FAF1: variants seen among roughly 807,000 people sequenced by gnomAD.
FAF1 encodes FAS-associated factor 1.
Under a neutral mutation model 92.5 loss-of-function variants are expected in FAF1, and 25 were observed. That is an observed-to-expected ratio of 0.27 (90% confidence interval 0.20 to 0.38). The LOEUF is 0.38. Ranked by LOEUF, FAF1 falls within the 10% of genes least tolerant of loss-of-function variation. The probability of loss-of-function intolerance (pLI) is 1.00; values close to 1 mark genes in which losing one functional copy is unlikely to be tolerated. For synonymous variants in FAF1, 234 were observed against 273.2 expected (o/e 0.86, Z 1.42); for missense variants, 636 against 793.3 (o/e 0.80, Z 2.38).
chr1:50,712,286 A>C (rs934329132), intron 6 of FAF1, among the ~76,000 whole-genome samples: 1 of 152,228 alleles, frequency 6.6e-6, no homozygotes, highest in Non-Finnish European at 1.5e-5. Context: ...TTTCCACAGA[A>C]ACTGGCATGT....
chr1:50,878,915 G>C (rs1644590531), intron 1 of FAF1, among the ~76,000 whole-genome samples: 1 of 152,158 alleles, frequency 6.6e-6, no homozygotes, highest in Non-Finnish European at 1.5e-5. Flanking sequence ...CCACAGCTCT[G>C]TCTCTCTTGT....
intron 4 of FAF1, among the ~76,000 whole-genome samples, chr1:50,761,594 A>T (rs528996315): frequency 6.6e-6 from 1 of 152,348 alleles, no homozygotes; most frequent in East Asian, 1.9e-4. Flanking sequence ...AAACCACATG[A>T]TTATCTCAGT....
At chr1:50,731,647 C>T (rs1323813308) in intron 6 of FAF1, among the ~76,000 whole-genome samples, 1 of 152,086 alleles carries the variant, frequency 6.6e-6, no homozygotes, top group East Asian at 1.9e-4. Context: ...GGATTACAGG[C>T]ATGAGCCACC....
intron 4 of FAF1, among the ~76,000 whole-genome samples, chr1:50,784,506 A>G (rs994525236): frequency 5.3e-5 from 8 of 152,226 alleles, no homozygotes; most frequent in African/African-American, 1.9e-4. Flanking sequence ...AGACTTGTCC[A>G]CTAAAAACTA....
intron 7 of FAF1, among the ~76,000 whole-genome samples, chr1:50,676,654 T>C (rs1342997176): frequency 6.6e-6 from 1 of 151,798 alleles, no homozygotes; most frequent in Non-Finnish European, 1.5e-5. Flanking sequence ...AAACCCTGTC[T>C]CTACTAAAAA....
chr1:50,727,697 G>A (rs1658721256), intron 6 of FAF1, among the ~76,000 whole-genome samples: 1 of 152,192 alleles, frequency 6.6e-6, no homozygotes, highest in African/African-American at 2.4e-5. Context: ...TGTTGCCAAA[G>A]GAGATTAACA....
intron 1 of FAF1, among the ~76,000 whole-genome samples, chr1:50,885,293 CTT>C (rs1644649637): frequency 7.8e-6 from 1 of 128,722 alleles, no homozygotes; most frequent in Non-Finnish European, 1.6e-5. Flanking sequence ...CTCCGTGTCT[CTT>C]TCTCTCTCTC....
chr1:50,788,393 T>C (rs1470521227), intron 3 of FAF1, among the ~76,000 whole-genome samples, 188 bp from the exon 4 acceptor site: 2 of 152,218 alleles, frequency 1.3e-5, no homozygotes. Flanking sequence ...GCCACATTAC[T>C]CTCCTTCCCA....
In FAF1 at chr1:50,624,720, C is replaced by G. The variant is rs569437191; in HGVS notation, c.745-28504G>C. Among the ~76,000 whole-genome samples, 6 of 152,244 alleles carry G rather than the reference C, an allele frequency of 3.9e-5. No individual in the cohort carries two copies. In the East Asian group the frequency reaches 1.2e-3, roughly 29 times the overall value. On this transcript the variant is annotated intron_variant, in intron 8 of 18. Coordinates refer to ENST00000396153, the MANE Select transcript of FAF1 (RefSeq NM_007051.3). ...TATCCTATGCACTAAATAAGAACAG[C>G]ATTACCATATCTCTAACTTTTCACA...
chr1:50,487,969 T>C (rs1646786834), intron 17 of FAF1, among the ~76,000 whole-genome samples: 1 of 152,176 alleles, frequency 6.6e-6, no homozygotes, highest in Non-Finnish European at 1.5e-5. Flanking sequence ...TCCCAAACAG[T>C]GGTTTGTGAT....
chr1:50,562,391 T>G (rs1649962458), intron 13 of FAF1, among the ~76,000 whole-genome samples: 1 of 152,194 alleles, frequency 6.6e-6, no homozygotes, highest in Non-Finnish European at 1.5e-5. Context: ...CTCCCTCTAT[T>G]CCTTCTCTCC....
At chr1:50,546,764 T>C in intron 13 of FAF1, among the ~76,000 whole-genome samples, 1 of 152,160 alleles carries the variant, frequency 6.6e-6, no homozygotes, top group East Asian at 1.9e-4. Flanking sequence ...AGACTTTTTA[T>C]TACATACCTT....
chr1:50,831,998 T>C (rs1369109417), intron 2 of FAF1, among the ~76,000 whole-genome samples: 1 of 151,844 alleles, frequency 6.6e-6, no homozygotes, highest in African/African-American at 2.4e-5. Flanking sequence ...GTGTGCTCCT[T>C]ATGAGAATCT....
chr1:50,537,943 C>A (rs1345286164), intron 14 of FAF1, among the ~76,000 whole-genome samples: 1 of 152,050 alleles, frequency 6.6e-6, no homozygotes, highest in Non-Finnish European at 1.5e-5. Context: ...GAATTTGAAA[C>A]CGTATCAATG....
At position 50,565,628 on chromosome 1, in the gene FAF1, C is replaced by A. The variant is rs1168619638; in HGVS notation, c.1268+1449G>T. Among the ~76,000 whole-genome samples, 4 of 152,054 alleles carry A rather than the reference C, an allele frequency of 2.6e-5. No individual in the cohort carries two copies. In the East Asian group the frequency reaches 7.7e-4, roughly 29 times the overall value. On this transcript the variant is annotated intron_variant, in intron 13 of 18. Transcript: ENST00000396153. ...TTAGTAAAACATAACAAAGCAATTA[C>A]ATGGCTGTTGATTGCCATCATAAAA...
chr1:50,466,271 G>A (rs192712168), intron 18 of FAF1, among the ~76,000 whole-genome samples: 1 of 152,160 alleles, frequency 6.6e-6, no homozygotes, highest in Non-Finnish European at 1.5e-5. Context: ...AAGGATAACA[G>A]TAAGGTTTCT....
intron 2 of FAF1, among the ~76,000 whole-genome samples, chr1:50,845,331 C>T (rs1456376691): frequency 6.6e-6 from 1 of 152,184 alleles, no homozygotes; most frequent in Non-Finnish European, 1.5e-5. Context: ...TGCAACCTTG[C>T]AGTCTTAGCC....
At chr1:50,708,182 T>C (rs1325695922) in intron 6 of FAF1, among the ~76,000 whole-genome samples, 1 of 152,212 alleles carries the variant, frequency 6.6e-6, no homozygotes, top group Non-Finnish European at 1.5e-5. Context: ...TTATTCTGGC[T>C]GCTCTGGCCA....
At chr1:50,677,971 A>G (rs1557470371) in intron 7 of FAF1, among the ~76,000 whole-genome samples, 2 of 151,062 alleles carry the variant, frequency 1.3e-5, no homozygotes, top group African/African-American at 2.4e-5. Context: ...CTTGTATTCT[A>G]TTTACAAAAA....
Sources: allele counts gnomAD v4.1 joint callset (sites outside exome capture counted in the v4.1 genomes callset), GRCh38; gene constraint gnomAD v4.1.1; transcripts MANE v1.5; gene names NCBI Gene and HGNC (gene_info 2026-07-23, HGNC 2026-07-21).